Variants in UXS1 observed in about 807,000 individuals in gnomAD.
The protein encoded by UXS1 is UDP-glucuronate decarboxylase 1.
UXS1 carries 33 observed loss-of-function variants against 62.6 expected under a neutral mutation model. That is an observed-to-expected ratio of 0.53 (90% CI 0.40 to 0.70). UXS1 has a LOEUF of 0.70. UXS1 is among the 30% of genes least tolerant of loss of function. The probability of loss-of-function intolerance (pLI) is 0.00; values close to 1 mark genes in which losing one functional copy is unlikely to be tolerated. For missense variants in UXS1, 434 were observed against 556.3 expected, an observed-to-expected ratio of 0.78 and a Z score of 2.21; for synonymous variants, 213 against 206.8, an observed-to-expected ratio of 1.03 and a Z score of -0.26.
intron 13 of UXS1, chr2:106,097,299 T>C (rs1677202500): frequency 2.3e-6 from 1 of 439,228 alleles, no homozygotes; most frequent in Non-Finnish European, 4.6e-6. Flanking sequence ...GCCACCCAGC[T>C]GGAGGGACCT....
In UXS1 at chr2:106,169,182, C is replaced by T. The variant is rs559801201; in HGVS notation, c.95-3099G>A. Among the ~76,000 whole-genome samples, 7 of 152,276 alleles carry T rather than the reference C, an allele frequency of 4.6e-5. No individual in the cohort carries two copies. The East Asian group carries it at 7.7e-4, about 17-fold the overall frequency. On this transcript the variant is annotated intron_variant, in intron 1 of 14. Coordinates refer to ENST00000283148, the MANE Select transcript of UXS1 (RefSeq NM_001253875.2). ...AGCCACCAGTTGCCCAACCCATGTG[C>T]GCTTTTCTTTACTGTGCTATATATC...
In UXS1 at chr2:106,138,712, G is replaced by A. The variant is rs1011607845; in HGVS notation, c.472+6478C>T. On this transcript the variant is annotated intron_variant, in intron 6 of 14. Coordinates refer to ENST00000283148, the MANE Select transcript of UXS1 (RefSeq NM_001253875.2). ...TCCCACTGCTGCTCCGGAAGGCTGAGGGCCGCCCCATCAGACTGTCGAGAC... is the reference window on the plus strand; with the variant it reads ...TCCCACTGCTGCTCCGGAAGGCTGAAGGCCGCCCCATCAGACTGTCGAGAC... 3.0e-6 allele frequency: 3 copies of A among 985,308 alleles called. No homozygotes were observed. The African/African-American group carries it at 5.2e-5, about 17-fold the overall frequency. The allele number at this position is 985,308 out of a possible 1,614,324, so 61.0% of individuals were successfully genotyped here.
At chr2:106,179,405 C>A (rs1558756016) in intron 1 of UXS1, 1 of 152,756 alleles carries the variant, frequency 6.5e-6, no homozygotes, top group African/African-American at 2.4e-5. Context: ...AGATGCCCGC[C>A]CAGACCCTTT....
intron 10 of UXS1, among the ~76,000 whole-genome samples, chr2:106,105,871 G>C (rs1377080546): frequency 6.6e-6 from 1 of 152,180 alleles, no homozygotes; most frequent in African/African-American, 2.4e-5. Context: ...CAGGCAGCTG[G>C]GAAGAAGGGA....
intron 1 of UXS1, chr2:106,183,405 T>G (rs1431872259): frequency 6.6e-6 from 1 of 152,260 alleles, no homozygotes; most frequent in Non-Finnish European, 1.5e-5. Flanking sequence ...AAAATTGTTT[T>G]CCTTTTCTAG....
chr2:106,114,859 T>G (rs1678939434), intron 9 of UXS1, among the ~76,000 whole-genome samples: 1 of 152,222 alleles, frequency 6.6e-6, no homozygotes, highest in African/African-American at 2.4e-5. Flanking sequence ...AAGCTACTCA[T>G]GAAGCCTAAA....
At chr2:106,194,114 G>T in intron 1 of UXS1, 34 bp downstream of exon 1, 2 of 1,434,344 alleles carry the variant, frequency 1.4e-6, no homozygotes, top group Non-Finnish European at 1.8e-6. Flanking sequence ...GGGAATGAAT[G>T]GGGCTCCCCA....
chr2:106,171,930 C>A (rs1333226525), intron 1 of UXS1, among the ~76,000 whole-genome samples: 1 of 152,238 alleles, frequency 6.6e-6, no homozygotes, highest in Admixed American at 6.5e-5. Context: ...AGTATGACAT[C>A]CTATAAAGCA....
At chr2:106,166,206 C>T in intron 1 of UXS1, 123 bp from the exon 2 acceptor site, 1 of 840,284 alleles carries the variant, frequency 1.2e-6, no homozygotes, top group East Asian at 2.7e-5. Context: ...CTTACGAAGA[C>T]AACAAAATGC....
chr2:106,120,088 T>C (rs566779572), intron 9 of UXS1, among the ~76,000 whole-genome samples: 40 of 152,212 alleles, frequency 2.6e-4, no homozygotes, highest in South Asian at 6.2e-4. Flanking sequence ...CAGAAAAAAG[T>C]GGGAATGAGT....
chr2:106,106,750 T>C (rs1460687412), intron 10 of UXS1, among the ~76,000 whole-genome samples: 1 of 152,174 alleles, frequency 6.6e-6, no homozygotes, highest in African/African-American at 2.4e-5. Flanking sequence ...TGGGCCTGAG[T>C]TGGTAGGACA....
At chr2:106,191,244 A>G (rs1455867957) in intron 1 of UXS1, among the ~76,000 whole-genome samples, 1 of 152,190 alleles carries the variant, frequency 6.6e-6, no homozygotes, top group Non-Finnish European at 1.5e-5. Flanking sequence ...TTCCCGAAAC[A>G]GGGAGGGCAT....
At chr2:106,118,268 C>T (rs561503811) in intron 9 of UXS1, among the ~76,000 whole-genome samples, 2 of 151,720 alleles carry the variant, frequency 1.3e-5, no homozygotes, top group South Asian at 2.1e-4. Context: ...ATACCAACTC[C>T]GACTTTTTCA....
intron 4 of UXS1, among the ~76,000 whole-genome samples, chr2:106,158,382 C>T (rs1236734555): frequency 6.6e-6 from 1 of 152,226 alleles, no homozygotes; most frequent in Non-Finnish European, 1.5e-5. Context: ...GAGCTACCGG[C>T]TTCCAGCAGC....
chr2:106,147,587 T>TAAATA (rs1197996590), intron 5 of UXS1, among the ~76,000 whole-genome samples: 7 of 151,848 alleles, frequency 4.6e-5, no homozygotes, highest in Non-Finnish European at 1.5e-5. Flanking sequence ...TGTCTCAAAA[T>TAAATA]AAATAAAATA....
chr2:106,100,257 C>T (rs1158218149), intron 12 of UXS1, among the ~76,000 whole-genome samples: 1 of 152,154 alleles, frequency 6.6e-6, no homozygotes, highest in Non-Finnish European at 1.5e-5. Context: ...AACAAAACTG[C>T]TCAGAAAATC....
intron 5 of UXS1, among the ~76,000 whole-genome samples, chr2:106,153,237 G>C (rs1177633427): frequency 6.6e-6 from 1 of 152,172 alleles, no homozygotes; most frequent in Non-Finnish European, 1.5e-5. Flanking sequence ...CCTGCCAAGG[G>C]GATAGAATTT....
intron 12 of UXS1, 41 bp from the exon 13 acceptor site, chr2:106,098,814 C>T (rs1461377122): frequency 6.3e-7 from 1 of 1,576,530 alleles, no homozygotes; most frequent in Non-Finnish European, 8.7e-7. Flanking sequence ...GTCATGACAA[C>T]AGCAGCAATC....
chr2:106,187,312 G>T (rs1283355096), intron 1 of UXS1, among the ~76,000 whole-genome samples: 1 of 152,064 alleles, frequency 6.6e-6, no homozygotes, highest in Non-Finnish European at 1.5e-5. Context: ...TCTCACGCTC[G>T]GGTCAGCCTG....
Sources: allele counts gnomAD v4.1 joint callset (sites outside exome capture counted in the v4.1 genomes callset), GRCh38; gene constraint gnomAD v4.1.1; transcripts MANE v1.5; gene names NCBI Gene and HGNC (gene_info 2026-07-23, HGNC 2026-07-21).